The following CCSER1 variants were observed in gnomAD, a reference collection of about 807,000 sequenced individuals.
CCSER1 encodes the protein serine-rich coiled-coil domain-containing protein 1.
Under a neutral mutation model 82.0 loss-of-function variants are expected in CCSER1, and 41 were observed. That is an observed-to-expected ratio of 0.50 (90% CI 0.39 to 0.65). CCSER1 has a LOEUF of 0.65. Ranked by LOEUF, CCSER1 falls within the 30% of genes least tolerant of loss-of-function variation. CCSER1 has a pLI of 0.00. For synonymous variants in CCSER1, 414 were observed against 383.9 expected, an observed-to-expected ratio of 1.08 and a Z score of -0.92; for missense variants, 1,119 against 1,064.2, an observed-to-expected ratio of 1.05 and a Z score of -0.72.
intron 10 of CCSER1, among the ~76,000 whole-genome samples, chr4:91,143,297 T>C (rs1474124913): frequency 1.3e-5 from 2 of 152,044 alleles, no homozygotes; most frequent in African/African-American, 4.8e-5. Context: ...ATTATTGGCG[T>C]ATAGAAATGT....
intron 10 of CCSER1, among the ~76,000 whole-genome samples, chr4:91,111,628 G>A (rs1314763551): frequency 6.6e-6 from 1 of 151,782 alleles, no homozygotes; most frequent in South Asian, 2.1e-4. Flanking sequence ...ATATATTTTA[G>A]GAGGTCATAA....
intron 10 of CCSER1, among the ~76,000 whole-genome samples, chr4:91,242,504 A>G (rs1739450401): frequency 6.6e-6 from 1 of 152,194 alleles, no homozygotes; most frequent in Non-Finnish European, 1.5e-5. Flanking sequence ...CTCAAAATGG[A>G]TTATAAGTAT....
At chr4:91,590,944 A>G (rs752810693) in intron 10 of CCSER1, among the ~76,000 whole-genome samples, 18 of 152,138 alleles carry the variant, frequency 1.2e-4, no homozygotes, top group Non-Finnish European at 2.1e-4. Context: ...CTTGATATGT[A>G]TATCACTGAT....
chr4:90,659,974 G>T (rs1457177377), intron 6 of CCSER1, among the ~76,000 whole-genome samples: 1 of 150,322 alleles, frequency 6.7e-6, no homozygotes, highest in Non-Finnish European at 1.5e-5. Flanking sequence ...GTTTTTTGTT[G>T]TTGTTGAGTT....
intron 1 of CCSER1, among the ~76,000 whole-genome samples, chr4:90,264,688 CT>C (rs33922965): frequency 0.69 from 104,609 of 151,212 alleles, 36,818 homozygotes; most frequent in East Asian, 0.98. Flanking sequence ...GTCTAATACA[CT>C]TTTTTTTTTA....
chr4:91,527,542 A>C (rs1433426467), intron 10 of CCSER1, among the ~76,000 whole-genome samples: 5 of 152,204 alleles, frequency 3.3e-5, no homozygotes, highest in Non-Finnish European at 2.9e-5. Flanking sequence ...AGAAATAGAA[A>C]GGAGAAAAAA....
At chr4:91,383,106 C>T (rs1221080449) in intron 10 of CCSER1, among the ~76,000 whole-genome samples, 1 of 151,942 alleles carries the variant, frequency 6.6e-6, no homozygotes, top group African/African-American at 2.4e-5. Flanking sequence ...ATAACTTTTA[C>T]ATTCACTGGA....
chr4:90,129,552 A>T (rs1033441977), intron 1 of CCSER1, among the ~76,000 whole-genome samples: 1 of 152,244 alleles, frequency 6.6e-6, no homozygotes, highest in Non-Finnish European at 1.5e-5. Context: ...TGCCAAGACA[A>T]TGTTTTTCAA....
rs564237855 is a variant in CCSER1 at position 91,443,225 on chromosome 4, A to C, written c.2218-155347A>C. Among the ~76,000 whole-genome samples the C allele has an allele frequency of 9.6e-4, 146 of 152,264 alleles. 1 individual carries two copies. The highest frequency in any genetic ancestry group is 3.2e-3 in the African/African-American group (132 of 41,550). Reference sequence around the variant, plus strand: ...ATAGCAAAGACTTGGAACCAACCCAAATGTCCAACAGTGATAGACTGGATT... The same window carrying C: ...ATAGCAAAGACTTGGAACCAACCCACATGTCCAACAGTGATAGACTGGATT... On this transcript the variant is annotated intron_variant, in intron 10 of 10. Transcript: ENST00000509176.
Position 90,308,799 on chromosome 4 carries a change from C to G in CCSER1, c.515C>G (p.Ser172Cys), listed in dbSNP as rs1416835075. The stretch of plus-strand genomic sequence containing the variant: ...TTCACAGAAGACCAAACTCGTCGTT[C>G]TGTTAAGCAGTCAACAAGGAAGCTA... ...SGFTEDQTRR[S>C]VKQSTRKLLP... Residue 172 changes from serine (S) to cysteine (C), a missense_variant, in exon 2 of 11, where the codon TCT becomes TGT. Transcript: ENST00000509176. 1 of 1,613,804 alleles carries G rather than the reference C, an allele frequency of 6.2e-7. No homozygotes were observed. Among genetic ancestry groups the G allele is most frequent in the African/African-American group, 1.3e-5 (1 of 75,058 alleles).
chr4:90,685,239 G>A (rs1320343677), intron 6 of CCSER1, among the ~76,000 whole-genome samples: 1 of 151,814 alleles, frequency 6.6e-6, no homozygotes, highest in Non-Finnish European at 1.5e-5. Flanking sequence ...ATCAACTTCA[G>A]GCTAGAACAA....
rs116802198 is a variant in CCSER1 at position 91,245,321 on chromosome 4, C to G, written c.2217+159327C>G. Among the ~76,000 whole-genome samples the G allele has an allele frequency of 6.1e-3, 932 of 152,102 alleles. 10 individuals carry two copies. The highest frequency in any genetic ancestry group is 0.021 in the African/African-American group (867 of 41,470). On this transcript the variant is annotated intron_variant, in intron 10 of 10. Transcript: ENST00000509176. ...TATAAAACACAAAGCAGGTTTAACT[C>G]GAAGAAGACTACCTCTAGGCATTGA...
At chr4:90,187,920 A>G (rs1734914906) in intron 1 of CCSER1, among the ~76,000 whole-genome samples, 1 of 151,938 alleles carries the variant, frequency 6.6e-6, no homozygotes, top group Non-Finnish European at 1.5e-5. Flanking sequence ...GCTCATCAAC[A>G]ACAAAAAAAC....
chr4:91,093,169 G>A (rs1339395826), intron 10 of CCSER1, among the ~76,000 whole-genome samples: 6 of 152,170 alleles, frequency 3.9e-5, no homozygotes, highest in Non-Finnish European at 7.4e-5. Flanking sequence ...GCAATGGTTT[G>A]GCTTCAATAA....
rs184779864 is a variant in CCSER1, at chr4:90,972,528, C to T, written c.2172+49081C>T. Among the ~76,000 whole-genome samples, 217 of 151,732 alleles carry T rather than the reference C, an allele frequency of 1.4e-3. 1 individual carries two copies. Among genetic ancestry groups the T allele is most frequent in the Admixed American group, 7.3e-3 (111 of 15,196 alleles). ...CGCTGATGAAAGAAATTGAAGATGA[C>T]ATAAATAAATGAAGATATCCCATGT... On this transcript the variant is annotated intron_variant, in intron 9 of 10. Transcript: ENST00000509176.
intron 9 of CCSER1, among the ~76,000 whole-genome samples, chr4:90,994,153 CA>C (rs1263195464): frequency 1.3e-5 from 2 of 151,802 alleles, no homozygotes; most frequent in African/African-American, 2.4e-5. Context: ...GCATTATCAT[CA>C]CATGAATAAC....
At chr4:90,563,915 G>A (rs755382106) in intron 5 of CCSER1, among the ~76,000 whole-genome samples, 3 of 152,168 alleles carry the variant, frequency 2.0e-5, no homozygotes, top group East Asian at 1.9e-4. Flanking sequence ...GTGTGCTAGC[G>A]TTGCCTTTTC....
At chr4:91,559,212 G>C (rs1409287102) in intron 10 of CCSER1, among the ~76,000 whole-genome samples, 8 of 151,476 alleles carry the variant, frequency 5.3e-5, no homozygotes, top group Non-Finnish European at 8.9e-5. Flanking sequence ...AAGTCAGTGT[G>C]TTAAGCACTA....
intron 9 of CCSER1, among the ~76,000 whole-genome samples, chr4:91,028,006 G>C (rs902919910): frequency 1.3e-5 from 2 of 151,920 alleles, no homozygotes; most frequent in Non-Finnish European, 2.9e-5. Flanking sequence ...AAAGAAGAGG[G>C]GGTAAGAGAA....
Sources: gnomAD v4.1 joint callset for allele counts (sites outside exome capture counted in the v4.1 genomes callset) on GRCh38, gnomAD v4.1.1 for gene constraint, MANE v1.5 for transcripts, NCBI Gene and HGNC (gene_info 2026-07-23, HGNC 2026-07-21) for gene names.